FARS2: variants seen among roughly 807,000 people sequenced by gnomAD.
The protein encoded by FARS2 is phenylalanyl-tRNA synthetase 2, mitochondrial, also known as phenylalanine--tRNA ligase, mitochondrial.
In FARS2, 40 loss-of-function variants were observed where a neutral mutation model predicts 46.4. The ratio of observed to expected loss-of-function variants is 0.86; its 90% CI spans 0.67 to 1.12. The LOEUF is 1.12. Among genes scored for constraint, FARS2 ranks in the 50% most tolerant of loss-of-function variants. The pLI is 0.00. For missense variants in FARS2, 513 were observed against 567.9 expected (o/e 0.90, Z 0.98); for synonymous variants, 234 against 214.9 (o/e 1.09, Z -0.78).
chr6:5,554,973 A>G (rs1294748006), intron 5 of FARS2, among the ~76,000 whole-genome samples: 2 of 152,098 alleles, frequency 1.3e-5, no homozygotes, highest in South Asian at 4.2e-4. Context: ...TTATTAAATA[A>G]TATGTAATAT....
rs80302881 is a variant in FARS2, at chr6:5,311,030, C to G, written c.-22+49370C>G. Among the ~76,000 whole-genome samples the G allele has an allele frequency of 6.6e-6, 1 of 152,080 alleles. No homozygotes were observed. The highest frequency in any genetic ancestry group is 1.5e-5 in the Non-Finnish European group (1 of 68,024). ...GTGCTTCCAAAGGTTTGCTAAAATACGTGGGCAAGGATGCTTATTTCAGCA... is the reference window on the plus strand; with the variant it reads ...GTGCTTCCAAAGGTTTGCTAAAATAGGTGGGCAAGGATGCTTATTTCAGCA... On this transcript the variant is annotated intron_variant, in intron 1 of 6. Coordinates refer to ENST00000274680, the MANE Select transcript of FARS2 (RefSeq NM_006567.5). The surrounding 1 kb of genome is among the most constrained non-coding windows in gnomAD (Gnocchi z 4.1).
At chr6:5,373,185 A>C (rs1257558859) in intron 2 of FARS2, among the ~76,000 whole-genome samples, 1 of 152,140 alleles carries the variant, frequency 6.6e-6, no homozygotes, top group East Asian at 1.9e-4. Context: ...CTCTCAGAGA[A>C]CAAACTTCCA....
At chr6:5,422,167 G>A (rs563129143) in intron 3 of FARS2, among the ~76,000 whole-genome samples, 7 of 152,222 alleles carry the variant, frequency 4.6e-5, no homozygotes, top group Non-Finnish European at 7.4e-5. Flanking sequence ...GGAAACTCCT[G>A]TTTTTAAACC....
At chr6:5,544,418 T>G (rs367929660) in intron 4 of FARS2, among the ~76,000 whole-genome samples, 1,405 of 23,292 alleles carry the variant, frequency 0.06, 19 homozygotes, top group African/African-American at 0.23. Flanking sequence ...CAGTTGGAAT[T>G]ATATCCTTTC....
rs114481275 is a variant in FARS2, at chr6:5,593,979, G to A, written c.1066-19190G>A. The stretch of plus-strand genomic sequence containing the variant: ...GAGTGTTTCCACGTGGCAGGCATGG[G>A]GACAGGCACCTCCAGTCCTGTTCCA... On this transcript the variant is annotated intron_variant, in intron 5 of 6. Transcript: ENST00000274680. 2.2e-3 allele frequency among the ~76,000 whole-genome samples: 331 copies of A among 152,290 alleles called. 1 individual carries two copies. Among genetic ancestry groups the A allele is most frequent in the African/African-American group, 7.5e-3 (312 of 41,556 alleles).
At chr6:5,755,793 C>A (rs1762172862) in intron 6 of FARS2, among the ~76,000 whole-genome samples, 1 of 152,202 alleles carries the variant, frequency 6.6e-6, no homozygotes, top group South Asian at 2.1e-4. Context: ...GCATTTTCTT[C>A]TGCCAGGTCT....
At chr6:5,686,737 C>T (rs1344140284) in intron 6 of FARS2, among the ~76,000 whole-genome samples, 1 of 152,188 alleles carries the variant, frequency 6.6e-6, no homozygotes. Context: ...ATGGCTGGGT[C>T]AAATGGTATT....
intron 4 of FARS2, among the ~76,000 whole-genome samples, chr6:5,499,598 A>G (rs1305725375): frequency 1.3e-5 from 2 of 152,132 alleles, no homozygotes; most frequent in African/African-American, 4.8e-5. Flanking sequence ...TGCTGCTCCT[A>G]ATTCTATGCA....
intron 6 of FARS2, among the ~76,000 whole-genome samples, chr6:5,739,720 C>A (rs1761199207): frequency 6.6e-6 from 1 of 152,160 alleles, no homozygotes; most frequent in Non-Finnish European, 1.5e-5. Context: ...TGCTTTGAAT[C>A]CAGGAGGACA....
intron 6 of FARS2, among the ~76,000 whole-genome samples, chr6:5,756,551 T>G (rs111580236): frequency 0.079 from 12,070 of 152,182 alleles, 639 homozygotes; most frequent in South Asian, 0.12. Context: ...CAACCAAATC[T>G]CATGAGAACT....
chr6:5,265,209 C>A (rs151153573), intron 1 of FARS2, among the ~76,000 whole-genome samples: 1 of 152,100 alleles, frequency 6.6e-6, no homozygotes, highest in Non-Finnish European at 1.5e-5. Flanking sequence ...GGCTTTCCAT[C>A]GTAGAAGGTG....
chr6:5,663,759 C>T (rs1228132170), intron 6 of FARS2, among the ~76,000 whole-genome samples: 1 of 152,138 alleles, frequency 6.6e-6, no homozygotes, highest in African/African-American at 2.4e-5. Flanking sequence ...GAAATCCTGT[C>T]CAAAAGAACA....
chr6:5,574,375 C>T (rs1216227186), intron 5 of FARS2, among the ~76,000 whole-genome samples: 2 of 152,086 alleles, frequency 1.3e-5, no homozygotes, highest in East Asian at 1.9e-4. Context: ...CTACCCGCCT[C>T]GGCCTCCCAA....
intron 3 of FARS2, among the ~76,000 whole-genome samples, chr6:5,405,597 A>G (rs140161740): frequency 0.021 from 3,047 of 145,094 alleles, 106 homozygotes; most frequent in African/African-American, 0.073. Context: ...GGTTCACGCC[A>G]TTCTCCTGCC....
chr6:5,399,226 G>C (rs571561500), intron 2 of FARS2, among the ~76,000 whole-genome samples: 1 of 150,248 alleles, frequency 6.7e-6, no homozygotes, highest in South Asian at 2.1e-4. Flanking sequence ...CCAGGCTAGA[G>C]TACAGTGGCA....
intron 4 of FARS2, among the ~76,000 whole-genome samples, chr6:5,488,354 C>T (rs1373354091): frequency 6.6e-6 from 1 of 152,178 alleles, no homozygotes; most frequent in Non-Finnish European, 1.5e-5. Context: ...AGTACTCAGG[C>T]TTCCACCAGT....
At chr6:5,708,958 A>T (rs961114371) in intron 6 of FARS2, among the ~76,000 whole-genome samples, 3 of 152,178 alleles carry the variant, frequency 2.0e-5, no homozygotes, top group African/African-American at 4.8e-5. Flanking sequence ...AAAGATGAAT[A>T]TATTAATTAA....
intron 3 of FARS2, 28 bp downstream of exon 3, chr6:5,404,729 CTCT>C (rs778550955): frequency 6.9e-7 from 1 of 1,453,098 alleles, no homozygotes; most frequent in Admixed American, 2.1e-5. Context: ...GGTTGACGAT[CTCT>C]TATCTGAAAT....
intron 1 of FARS2, among the ~76,000 whole-genome samples, chr6:5,355,437 A>G (rs1484620513): frequency 4.0e-5 from 6 of 149,406 alleles, no homozygotes; most frequent in African/African-American, 1.5e-4. Flanking sequence ...ACTCACTGCA[A>G]CCTCTGCCTG....
Sources: gnomAD v4.1 joint callset for allele counts (sites outside exome capture counted in the v4.1 genomes callset) on GRCh38, gnomAD v4.1.1 for gene constraint, Gnocchi (gnomAD v3.1) non-coding constraint, MANE v1.5 for transcripts, NCBI Gene and HGNC (gene_info 2026-07-23, HGNC 2026-07-21) for gene names.